TOP2A: variants seen among roughly 807,000 people sequenced by gnomAD.
The protein encoded by TOP2A is DNA topoisomerase II alpha.
A neutral mutation model predicts 187.2 loss-of-function variants in TOP2A; 68 were observed. The ratio of observed to expected loss-of-function variants is 0.36; its 90% CI spans 0.30 to 0.44. The LOEUF (loss-of-function observed/expected upper bound fraction) is 0.44. Among genes scored for constraint, TOP2A ranks in the 20% least tolerant of loss-of-function variants. TOP2A has a pLI of 1.00. For missense variants in TOP2A, 1,196 were observed against 1,808.7 expected (o/e 0.66, Z 6.14); for synonymous variants, 542 against 593.2 (o/e 0.91, Z 1.25).
chr17:40,394,536 T>G (rs994483716), intron 29 of TOP2A, among the ~76,000 whole-genome samples: 2 of 152,184 alleles, frequency 1.3e-5, no homozygotes, highest in African/African-American at 4.8e-5. Context: ...TTTCACCATG[T>G]TGGCCAGGGT....
rs1449052665 is a variant in TOP2A, at chr17:40,389,547, TC to T, written c.4567del (p.Glu1523LysfsTer12). ...AAACAGATCATCTTCATCTGACTCT[TC>T]CAGGTACTTTATAGGTTTCTTTGCC... ...VRAKKPIKYL[E>X]ESDEDDLF is the part of the protein sequence containing the mutation. On this transcript the variant is annotated frameshift_variant, in exon 35 of 35. Transcript: ENST00000423485. LOFTEE classifies it high-confidence loss of function. 3 of 1,596,188 alleles carry T rather than the reference TC, an allele frequency of 1.9e-6. No individual in the cohort carries two copies. The highest frequency in any genetic ancestry group is 2.6e-6 in the Non-Finnish European group (3 of 1,170,602).
chr17:40,393,961 CAGG>C (rs1340247566), intron 29 of TOP2A, among the ~76,000 whole-genome samples: 2 of 150,870 alleles, frequency 1.3e-5, no homozygotes, highest in African/African-American at 4.9e-5. Context: ...GAGGCTGAGG[CAGG>C]AGAATTGCCT....
chr17:40,411,511 C>A lies in TOP2A; in HGVS notation c.964-56G>T. On this transcript the variant is annotated intron_variant, in intron 8 of 34. Transcript: ENST00000423485. This position sits in a 1 kb window ranked among gnomAD's most constrained non-coding sequence, Gnocchi z 4.4. Reference sequence around the variant, plus strand: ...TCAGTATCCTCAAAATTATAATAATCAAACATTAAAAACTAATTTAACCTC... The same window carrying A: ...TCAGTATCCTCAAAATTATAATAATAAAACATTAAAAACTAATTTAACCTC... The A allele has an allele frequency of 6.3e-7, 1 of 1,584,356 alleles. No individual in the cohort carries two copies. The highest frequency in any genetic ancestry group is 1.1e-5 in the South Asian group (1 of 90,360).
Position 40,411,345 on chromosome 17 carries a change from A to C in TOP2A, c.1065+9T>G. Reference sequence around the variant, plus strand: ...ACTTTAGAAAAAGAAAACTGCCAAAAGCACATACCTGATGTGCTTTTACTG... The same window carrying C: ...ACTTTAGAAAAAGAAAACTGCCAAACGCACATACCTGATGTGCTTTTACTG... On this transcript the variant is annotated intron_variant, in intron 9 of 34. Transcript: ENST00000423485. The surrounding 1 kb of genome is among the most constrained non-coding windows in gnomAD (Gnocchi z 4.4). The C allele has an allele frequency of 1.2e-6, 2 of 1,613,272 alleles. No homozygotes were observed. Among genetic ancestry groups the C allele is most frequent in the Non-Finnish European group, 1.7e-6 (2 of 1,179,602 alleles).
rs1567789836 is a variant in TOP2A, at chr17:40,411,384, GTTC to G, written c.1032_1034del (p.Lys344del). On this transcript the variant is annotated inframe_deletion, in exon 9 of 35. Coordinates refer to ENST00000423485, the MANE Select transcript of TOP2A (RefSeq NM_001067.4). The surrounding 1 kb of genome is among the most constrained non-coding windows in gnomAD (Gnocchi z 4.4). Reference sequence around the variant, plus strand: ...GTGCTTTTACTGCAACACCACCCTTGTTCTTCTTCTTCACAACATCAACAAGTT... The same window carrying G: ...GTGCTTTTACTGCAACACCACCCTTGTTCTTCTTCACAACATCAACAAGTT... The G allele has an allele frequency of 3.7e-6, 6 of 1,613,766 alleles. No individual in the cohort carries two copies. The highest frequency in any genetic ancestry group is 3.4e-6 in the Non-Finnish European group (4 of 1,179,820).
chr17:40,395,694 G>A (rs1204530691), intron 28 of TOP2A, among the ~76,000 whole-genome samples, 155 bp from the exon 29 acceptor site: 1 of 151,998 alleles, frequency 6.6e-6, no homozygotes, highest in Non-Finnish European at 1.5e-5. Context: ...TCAGGAGTTC[G>A]AGACCAGCCT....
At chr17:40,401,140 T>G in intron 20 of TOP2A, 59 bp from the exon 21 acceptor site, 1 of 1,436,020 alleles carries the variant, frequency 7.0e-7, no homozygotes, top group South Asian at 1.2e-5. Context: ...ACACTTAACT[T>G]TTATGGAAAG....
At chr17:40,396,946 G>A (rs1224270359) in intron 27 of TOP2A, among the ~76,000 whole-genome samples, 2 of 147,172 alleles carry the variant, frequency 1.4e-5, no homozygotes, top group East Asian at 4.0e-4. Context: ...AATGGTACAT[G>A]ATCATAGTTC....
Position 40,412,905 on chromosome 17 carries a change from T to C in TOP2A, c.643A>G (p.Thr215Ala). 1 of 1,613,936 alleles carries C rather than the reference T, an allele frequency of 6.2e-7. No homozygotes were observed. The highest frequency in any genetic ancestry group is 8.5e-7 in the Non-Finnish European group (1 of 1,179,854). ...ELKPFNGEDY[T>A]CITFQPDLSK... ...AAATCAGGCTGAAAGGTGATACATG[T>C]ATAATCTTCTCCATTGAAGGGCTTG... Residue 215 changes from threonine (T) to alanine (A), a missense_variant, in exon 7 of 35, where the codon ACA (threonine) becomes GCA (alanine). Transcript: ENST00000423485.
chr17:40,415,457 T>TGATCACCCACTAAGGGACACCCC (rs1237673705), intron 4 of TOP2A, among the ~76,000 whole-genome samples: 9 of 152,200 alleles, frequency 5.9e-5, no homozygotes, highest in Non-Finnish European at 1.2e-4. Context: ...ATAAGCACCC[T>TGATCACCCACTAAGGGACACCCC]GATCACCCAC....
rs976896400 is a variant in TOP2A, at chr17:40,411,302, C to A, written c.1065+52G>T. On this transcript the variant is annotated intron_variant, in intron 9 of 34. Transcript: ENST00000423485. The surrounding 1 kb of genome is among the most constrained non-coding windows in gnomAD (Gnocchi z 4.4). Reference sequence around the variant, plus strand: ...AAATGTACTCATGCTTTATTTATAGCCTTTCTCTTCTTCCTTGACTTTAGA... The same window carrying A: ...AAATGTACTCATGCTTTATTTATAGACTTTCTCTTCTTCCTTGACTTTAGA... 6 of 1,612,360 alleles carry A rather than the reference C, an allele frequency of 3.7e-6. No individual in the cohort carries two copies. The highest frequency in any genetic ancestry group is 4.2e-6 in the Non-Finnish European group (5 of 1,179,216).
At chr17:40,410,720 T>C (rs1220793518) in intron 10 of TOP2A, 1 of 441,096 alleles carries the variant, frequency 2.3e-6, no homozygotes, top group Non-Finnish European at 4.5e-6. Context: ...TTGGGGCTTT[T>C]TACTAAGATA....
Position 40,411,520 on chromosome 17 carries a change from A to T in TOP2A, c.964-65T>A, listed in dbSNP as rs1169495843. ...TCAAAATTATAATAATCAAACATTA[A>T]AAACTAATTTAACCTCCTTTATACT... On this transcript the variant is annotated intron_variant, in intron 8 of 34. Coordinates refer to ENST00000423485, the MANE Select transcript of TOP2A (RefSeq NM_001067.4). The surrounding 1 kb of genome is among the most constrained non-coding windows in gnomAD (Gnocchi z 4.4). The T allele has an allele frequency of 6.3e-7, 1 of 1,579,260 alleles. No homozygotes were observed. Among genetic ancestry groups the T allele is most frequent in the East Asian group, 2.2e-5 (1 of 44,636 alleles).
At chr17:40,405,578 C>T (rs915258903) in intron 16 of TOP2A, among the ~76,000 whole-genome samples, 3 of 151,758 alleles carry the variant, frequency 2.0e-5, no homozygotes, top group African/African-American at 4.8e-5. Flanking sequence ...CCTCAGCCTC[C>T]GGAGTAGCTG....
chr17:40,403,108 T>C (rs1361620945), intron 19 of TOP2A, 54 bp from the exon 20 acceptor site: 2 of 1,505,988 alleles, frequency 1.3e-6, no homozygotes, highest in South Asian at 1.2e-5. Flanking sequence ...ACAAATACAT[T>C]ATGACTTAAC....
At position 40,407,587 on chromosome 17, in the gene TOP2A, T is replaced by C. The variant is rs751826012; in HGVS notation, c.1588A>G (p.Thr530Ala). 8 of 1,594,688 alleles carry C rather than the reference T, an allele frequency of 5.0e-6. No homozygotes were observed. In the East Asian group the frequency reaches 1.8e-4, roughly 36 times the overall value. Residue 530 changes from threonine (T) to alanine (A), a missense_variant, in exon 13 of 35, where the codon ACG (threonine) becomes GCG (alanine). This residue lies in a region of TOP2A where 252 missense variants were observed against 434.8 expected (regional missense o/e 0.58). Transcript: ENST00000423485. The stretch of plus-strand genomic sequence containing the variant: ...ATCATTATCTTCCCATAACGAAGCG[T>C]CTTCAATGAATCTTCATCTTCATAG... Reference protein sequence around the residue: ...KNYEDEDSLKTLRYGKIMIMT... With the variant: ...KNYEDEDSLKALRYGKIMIMT...
chr17:40,414,854 C>CAAAAAAAAAAAAAAAA (rs531134947), intron 4 of TOP2A, among the ~76,000 whole-genome samples: 1 of 47,630 alleles, frequency 2.1e-5, no homozygotes, highest in Non-Finnish European at 4.4e-5. Context: ...AAAACTCCAT[C>CAAAAAAAAAAAAAAAA]AAAAAAAAAA....
chr17:40,393,581 T>C (rs2035053616), intron 29 of TOP2A, among the ~76,000 whole-genome samples: 1 of 152,148 alleles, frequency 6.6e-6, no homozygotes, highest in African/African-American at 2.4e-5. Context: ...CCTTAACATT[T>C]ATAGTCAATT....
rs529567113 is a variant in TOP2A, at chr17:40,404,235, A to G, written c.2200T>C (p.Phe734Leu). The G allele has an allele frequency of 6.2e-7, 1 of 1,613,900 alleles. No individual in the cohort carries two copies. The highest frequency in any genetic ancestry group is 8.5e-7 in the Non-Finnish European group (1 of 1,179,846). The change falls in exon 19 of 35, where the codon TTC becomes CTC. Residue 734 changes from phenylalanine to leucine, a missense_variant. Coordinates refer to ENST00000423485, the MANE Select transcript of TOP2A (RefSeq NM_001067.4). ...ACTTCTCGCTTGTCATTCCGTTTGA[A>G]GCAAGTAAACAAAACCTTTCTCTGA... ...PGQRKVLFTC[F>L]KRNDKREVKV...
Sources: gnomAD v4.1 joint callset for allele counts (sites outside exome capture counted in the v4.1 genomes callset) on GRCh38, gnomAD v4.1.1 for gene constraint, gnomAD v4.1.1 regional missense constraint, Gnocchi (gnomAD v3.1) non-coding constraint, MANE v1.5 for transcripts, NCBI Gene and HGNC (gene_info 2026-07-23, HGNC 2026-07-21) for gene names.